SLIT1: variants seen among roughly 807,000 people sequenced by gnomAD.
SLIT1 encodes the protein slit homolog 1 protein.
SLIT1 carries 66 observed loss-of-function variants against 186.1 expected under a neutral mutation model. The ratio of observed to expected loss-of-function variants is 0.35; its 90% CI spans 0.29 to 0.44. The LOEUF is 0.44. Among genes scored for constraint, SLIT1 ranks in the 20% least tolerant of loss-of-function variants. The pLI is 1.00. For synonymous variants in SLIT1, 761 were observed against 833.8 expected (o/e 0.91, Z 1.50); for missense variants, 1,638 against 2,037.4 (o/e 0.80, Z 3.77).
At chr10:97,126,598 G>A (rs373960862) in intron 4 of SLIT1, among the ~76,000 whole-genome samples, 6 of 152,308 alleles carry the variant, frequency 3.9e-5, no homozygotes, top group African/African-American at 1.4e-4. Flanking sequence ...GATGCACAAG[G>A]GTTTTCTTGT....
At chr10:97,157,479 G>A (rs543169718) in intron 4 of SLIT1, 3 of 303,806 alleles carry the variant, frequency 9.9e-6, no homozygotes, top group African/African-American at 2.1e-5. Flanking sequence ...TACTAAAGGC[G>A]CAGTGAGATG....
intron 1 of SLIT1, among the ~76,000 whole-genome samples, chr10:97,181,483 C>A (rs1002600466): frequency 9.2e-5 from 14 of 152,204 alleles, no homozygotes; most frequent in Non-Finnish European, 1.9e-4. Flanking sequence ...GAGGGCCTCC[C>A]AGGCCTCTAC....
At chr10:97,107,029 A>T (rs532547693) in intron 4 of SLIT1, among the ~76,000 whole-genome samples, 1 of 152,376 alleles carries the variant, frequency 6.6e-6, no homozygotes, top group South Asian at 2.1e-4. Context: ...CTTTCTGTAC[A>T]GCAGTGACTC....
chr10:97,075,351 G>A (rs773603657), intron 4 of SLIT1, among the ~76,000 whole-genome samples: 11 of 152,230 alleles, frequency 7.2e-5, no homozygotes, highest in Non-Finnish European at 1.3e-4. Flanking sequence ...CCTCAGCCAG[G>A]ACTGGCAGAG....
intron 4 of SLIT1, among the ~76,000 whole-genome samples, chr10:97,113,576 G>A (rs889181160): frequency 6.7e-6 from 1 of 149,290 alleles, no homozygotes; most frequent in Non-Finnish European, 1.5e-5. Flanking sequence ...TTTTTTGACG[G>A]AGTTTTGCTC....
chr10:97,067,465 G>A (rs557670658), intron 4 of SLIT1, among the ~76,000 whole-genome samples: 9 of 152,316 alleles, frequency 5.9e-5, no homozygotes, highest in East Asian at 3.9e-4. Context: ...GGAGCGTGGC[G>A]TGGATACTAT....
At chr10:97,108,512 A>G (rs1849435144) in intron 4 of SLIT1, among the ~76,000 whole-genome samples, 1 of 152,070 alleles carries the variant, frequency 6.6e-6, no homozygotes, top group Admixed American at 6.5e-5. Flanking sequence ...GCACACCCCA[A>G]TATCCACCTC....
intron 4 of SLIT1, among the ~76,000 whole-genome samples, chr10:97,066,314 C>A (rs573922798): frequency 6.6e-6 from 1 of 152,208 alleles, no homozygotes; most frequent in Non-Finnish European, 1.5e-5. Context: ...CTGGAGGGAG[C>A]TCAGTCCCCA....
rs191669174 is a variant in SLIT1 at position 97,010,618 on chromosome 10, T to C, written c.3341+375A>G. Among the ~76,000 whole-genome samples the C allele has an allele frequency of 6.6e-6, 1 of 152,294 alleles. No individual in the cohort carries two copies. The highest frequency in any genetic ancestry group is 1.9e-4 in the East Asian group (1 of 5,176). On this transcript the variant is annotated intron_variant, in intron 31 of 36. Transcript: ENST00000266058. The surrounding 1 kb of genome is among the most constrained non-coding windows in gnomAD (Gnocchi z 4.8). ...AAATGAGTGAGCAGAGCATGGGACG[T>C]GGGTGGCCAGAGGGAGGGTGGGCCC...
intron 25 of SLIT1, among the ~76,000 whole-genome samples, chr10:97,024,559 G>A (rs1165698141): frequency 6.6e-6 from 1 of 152,148 alleles, no homozygotes. Flanking sequence ...CGGGATGGGT[G>A]ATTTTTTTCT....
chr10:97,084,273 T>C (rs2805599), intron 4 of SLIT1, among the ~76,000 whole-genome samples: 84,237 of 152,062 alleles, frequency 0.55, 25,482 homozygotes, highest in East Asian at 0.82. Flanking sequence ...ACAGCCATGC[T>C]CTCCCCCAGG....
At chr10:97,097,060 C>T (rs1178262649) in intron 4 of SLIT1, among the ~76,000 whole-genome samples, 3 of 152,206 alleles carry the variant, frequency 2.0e-5, no homozygotes, top group African/African-American at 7.2e-5. Flanking sequence ...CAGCGCCTGG[C>T]ACCCCAAAAG....
In SLIT1 at chr10:97,184,538, G is replaced by A. The variant is rs1175402099; in HGVS notation, c.197+940C>T. On this transcript the variant is annotated intron_variant, in intron 1 of 36. Coordinates refer to ENST00000266058, the MANE Select transcript of SLIT1 (RefSeq NM_003061.3). The surrounding 1 kb of genome is among the most constrained non-coding windows in gnomAD (Gnocchi z 4.4). ...AAACACATTCTGCAGGAGAGTCACA[G>A]AAAACAAAGTATAAAGGTCTGTAAA... Among the ~76,000 whole-genome samples the A allele has an allele frequency of 6.6e-6, 1 of 151,880 alleles. No individual in the cohort carries two copies. Among genetic ancestry groups the A allele is most frequent in the East Asian group, 1.9e-4 (1 of 5,152 alleles).
At position 97,085,386 on chromosome 10, in the gene SLIT1, CTT is replaced by C. The variant is rs879321019; in HGVS notation, c.414-19302_414-19301del. Among the ~76,000 whole-genome samples, 446 of 148,538 alleles carry C rather than the reference CTT, an allele frequency of 3.0e-3. 2 individuals are homozygous for C. Among genetic ancestry groups the C allele is most frequent in the African/African-American group, 0.011 (426 of 40,198 alleles). On this transcript the variant is annotated intron_variant, in intron 4 of 36. Coordinates refer to ENST00000266058, the MANE Select transcript of SLIT1 (RefSeq NM_003061.3). ...CCATGCTTTTTCTTCTTAGCATGTA[CTT>C]TTTTTTTTTTTGTTTTTGAGATGGA...
chr10:97,060,789 T>C lies in SLIT1; in HGVS notation c.794-2A>G. Reference sequence around the variant, plus strand: ...GCACGCGCCCCGCTTCTCCCTGGCCTGCAGAAACAGGGGGGTGTGGCCTCA... The same window carrying C: ...GCACGCGCCCCGCTTCTCCCTGGCCCGCAGAAACAGGGGGGTGTGGCCTCA... On this transcript the variant is annotated splice_acceptor_variant, in intron 8 of 36. Coordinates refer to ENST00000266058, the MANE Select transcript of SLIT1 (RefSeq NM_003061.3). LOFTEE classifies it high-confidence loss of function. 1 of 1,590,466 alleles carries C rather than the reference T, an allele frequency of 6.3e-7. No homozygotes were observed. The highest frequency in any genetic ancestry group is 8.6e-7 in the Non-Finnish European group (1 of 1,168,340).
At chr10:97,185,356 T>C (rs1322797897) in intron 1 of SLIT1, 122 bp downstream of exon 1, 3 of 955,972 alleles carry the variant, frequency 3.1e-6, no homozygotes, top group Non-Finnish European at 4.7e-6. Context: ...CACTGACCCG[T>C]CTGTGGGCTG....
At position 97,047,751 on chromosome 10, in the gene SLIT1, C is replaced by T; in HGVS notation, c.1573G>A (p.Glu525Lys). ...TTGGTGAGCTTCAGGCTGGAGCACT[C>T]CACCACGTTGGCCTCACAGCGGCAC... Reference protein sequence around the residue: ...HKCRCEANVVECSSLKLTKIP... With the variant: ...HKCRCEANVVKCSSLKLTKIP... The change falls in exon 16 of 37, where the codon GAG becomes AAG. Residue 525 changes from glutamate to lysine, a missense_variant. Around this residue, in one of 3 missense-constraint regions of SLIT1, gnomAD observed 1,245 missense variants for 1,535.3 expected, o/e 0.81. Transcript: ENST00000266058. The T allele has an allele frequency of 6.2e-7, 1 of 1,614,076 alleles. No homozygotes were observed. The highest frequency in any genetic ancestry group is 8.5e-7 in the Non-Finnish European group (1 of 1,180,042).
intron 1 of SLIT1, among the ~76,000 whole-genome samples, chr10:97,169,853 C>T (rs1009657124): frequency 2.0e-5 from 3 of 152,212 alleles, no homozygotes; most frequent in Admixed American, 6.5e-5. Flanking sequence ...AACTGAGGCA[C>T]GGATGCATGA....
chr10:97,134,883 A>C (rs73322784), intron 4 of SLIT1, among the ~76,000 whole-genome samples: 4,180 of 152,152 alleles, frequency 0.027, 182 homozygotes, highest in African/African-American at 0.092. Context: ...CCCAGCTACT[A>C]ACCCACTCAC....
Sources: gnomAD v4.1 joint callset for allele counts (sites outside exome capture counted in the v4.1 genomes callset) on GRCh38, gnomAD v4.1.1 for gene constraint, gnomAD v4.1.1 regional missense constraint, Gnocchi (gnomAD v3.1) non-coding constraint, MANE v1.5 for transcripts, NCBI Gene and HGNC (gene_info 2026-07-23, HGNC 2026-07-21) for gene names.